The following RNF150 variants were observed in gnomAD, a reference collection of about 807,000 sequenced individuals.
RNF150 encodes the protein ring finger protein 150.
In RNF150, 24 loss-of-function variants were observed where a neutral mutation model predicts 39.3. That is an observed-to-expected ratio of 0.61 (90% confidence interval 0.44 to 0.86). The LOEUF (loss-of-function observed/expected upper bound fraction) is 0.86. Among genes scored for constraint, RNF150 ranks in the 40% least tolerant of loss-of-function variants. RNF150 has a pLI of 0.00. For missense variants in RNF150, 502 were observed against 587.8 expected (o/e 0.85, Z 1.51); for synonymous variants, 255 against 227.3 (o/e 1.12, Z -1.10).
intron 5 of RNF150, among the ~76,000 whole-genome samples, chr4:140,923,585 T>A (rs1322548339): frequency 6.6e-6 from 1 of 152,146 alleles, no homozygotes; most frequent in Non-Finnish European, 1.5e-5. Flanking sequence ...GATCTAGAAC[T>A]AGAAATACCA....
rs1363320675 is a variant in RNF150 at position 140,863,583 on chromosome 4, AAG to A, written c.*4676_*4677del. The A allele has an allele frequency of 6.6e-6, 1 of 152,204 alleles. No individual in the cohort carries two copies. The highest frequency in any genetic ancestry group is 1.9e-4 in the East Asian group (1 of 5,204). 9.4% of individuals were successfully genotyped at this position (152,204 alleles called of 1,614,324 possible). A position where few individuals can be genotyped will look rare whatever the true frequency, so the allele number is the denominator to read the frequency against. ...TGAAGGTTATTTCAGAGTTTCTTGC[AAG>A]AGAGAAAACAAATCAGAAAAAAAGG... On this transcript the variant is annotated 3_prime_UTR_variant, in exon 7 of 7. Transcript: ENST00000515673.
At chr4:141,196,713 A>C (rs150672006) in intron 1 of RNF150, among the ~76,000 whole-genome samples, 35 of 152,316 alleles carry the variant, frequency 2.3e-4, no homozygotes, top group African/African-American at 8.4e-4. Flanking sequence ...GGTGAATTGC[A>C]GTTGTAGTTG....
At chr4:141,053,732 C>T (rs751311245) in intron 1 of RNF150, 131 of 1,371,902 alleles carry the variant, frequency 9.5e-5, no homozygotes, top group Admixed American at 1.3e-4. Flanking sequence ...GACATTAAAC[C>T]TGTGAACAAC....
chr4:141,060,178 C>T (rs1358147587), intron 1 of RNF150, among the ~76,000 whole-genome samples: 3 of 152,188 alleles, frequency 2.0e-5, no homozygotes, highest in East Asian at 1.9e-4. Context: ...CAGTGGCTCA[C>T]GCCTGTAATC....
intron 6 of RNF150, among the ~76,000 whole-genome samples, chr4:140,901,330 C>G (rs1357859330): frequency 6.6e-6 from 1 of 152,134 alleles, no homozygotes; most frequent in African/African-American, 2.4e-5. Context: ...TCCATTTCTA[C>G]AAGGCATTAG....
At chr4:141,092,579 T>C (rs1293138513) in intron 1 of RNF150, among the ~76,000 whole-genome samples, 1 of 152,048 alleles carries the variant, frequency 6.6e-6, no homozygotes, top group Non-Finnish European at 1.5e-5. Flanking sequence ...TTTATTTTTC[T>C]TATAATACAT....
intron 1 of RNF150, among the ~76,000 whole-genome samples, chr4:140,972,483 G>T (rs1313185121): frequency 6.6e-6 from 1 of 152,060 alleles, no homozygotes; most frequent in Admixed American, 6.6e-5. Context: ...AAGGAATAAG[G>T]CATACAATTA....
At chr4:141,189,059 G>A (rs1560773345) in intron 1 of RNF150, among the ~76,000 whole-genome samples, 1 of 152,320 alleles carries the variant, frequency 6.6e-6, no homozygotes, top group Non-Finnish European at 1.5e-5. Context: ...TTTGGATCGG[G>A]TTTTTGCATG....
rs527622814 is a variant in RNF150 at position 140,905,955 on chromosome 4, G to A, written c.1198+5189C>T. ...GAGGAGAAATTAGGAGACAGAGGCT[G>A]AAAATGGACTCCTGGGCACACAGGA... On this transcript the variant is annotated intron_variant, in intron 6 of 6. Coordinates refer to ENST00000515673, the MANE Select transcript of RNF150 (RefSeq NM_020724.2). Among the ~76,000 whole-genome samples, 3 of 152,234 alleles carry A rather than the reference G, an allele frequency of 2.0e-5. No homozygotes were observed. The East Asian group carries it at 5.8e-4, about 29-fold the overall frequency.
chr4:141,100,645 T>C (rs904849419), intron 1 of RNF150, among the ~76,000 whole-genome samples: 23 of 152,184 alleles, frequency 1.5e-4, no homozygotes, highest in African/African-American at 5.5e-4. Flanking sequence ...CAAAGAGGCA[T>C]GCTAGGGAAG....
At chr4:141,117,301 C>T (rs1739581205) in intron 1 of RNF150, among the ~76,000 whole-genome samples, 1 of 152,122 alleles carries the variant, frequency 6.6e-6, no homozygotes, top group Non-Finnish European at 1.5e-5. Context: ...TATCTAATAA[C>T]AATGGCAAAT....
intron 1 of RNF150, among the ~76,000 whole-genome samples, chr4:141,103,089 G>C (rs1739071683): frequency 6.6e-6 from 1 of 152,192 alleles, no homozygotes; most frequent in African/African-American, 2.4e-5. Flanking sequence ...CCCCGTAACT[G>C]TGTAGGCTCC....
chr4:141,084,689 G>C (rs921053358), intron 1 of RNF150, among the ~76,000 whole-genome samples: 3 of 152,192 alleles, frequency 2.0e-5, no homozygotes, highest in African/African-American at 7.2e-5. Flanking sequence ...AATAAGCCTG[G>C]AGAACAAAGA....
At chr4:140,906,452 T>C (rs569702659) in intron 6 of RNF150, among the ~76,000 whole-genome samples, 7 of 152,192 alleles carry the variant, frequency 4.6e-5, no homozygotes, top group Non-Finnish European at 1.5e-5. Context: ...CCATTTTATA[T>C]AAGAAACTTG....
At position 140,972,029 on chromosome 4, in the gene RNF150, C is replaced by CA. The variant is rs35881946; in HGVS notation, c.485-4157dup. 4.3e-3 allele frequency among the ~76,000 whole-genome samples: 630 copies of CA among 145,026 alleles called. 5 individuals are homozygous for CA. The highest frequency in any genetic ancestry group is 0.011 in the African/African-American group (427 of 39,910). ...TGTTGGCCCTCTAGAACTTAGGTGACAAAAAAAAAAATTTATATTGTCCCA... is the reference window on the plus strand; with the variant it reads ...TGTTGGCCCTCTAGAACTTAGGTGACAAAAAAAAAAAATTTATATTGTCCCA... On this transcript the variant is annotated intron_variant, in intron 1 of 6. Transcript: ENST00000515673.
At chr4:140,890,460 T>C (rs1425448) in intron 6 of RNF150, among the ~76,000 whole-genome samples, 9 of 152,078 alleles carry the variant, frequency 5.9e-5, no homozygotes, top group African/African-American at 1.9e-4. Context: ...AATTCATATG[T>C]TGAAAGCTTA....
At chr4:140,906,996 T>G (rs1356725085) in intron 6 of RNF150, among the ~76,000 whole-genome samples, 1 of 152,170 alleles carries the variant, frequency 6.6e-6, no homozygotes, top group Non-Finnish European at 1.5e-5. Flanking sequence ...TGGCACTCAG[T>G]GTTTTTAAGA....
chr4:141,142,907 T>A (rs904915635), intron 1 of RNF150, among the ~76,000 whole-genome samples: 24 of 151,838 alleles, frequency 1.6e-4, no homozygotes, highest in African/African-American at 5.8e-4. Context: ...TCTGTCTCTG[T>A]CACCCAGGCT....
At chr4:141,003,426 T>C (rs1734744675) in intron 1 of RNF150, among the ~76,000 whole-genome samples, 1 of 152,186 alleles carries the variant, frequency 6.6e-6, no homozygotes, top group Non-Finnish European at 1.5e-5. Context: ...AGTGGACTGA[T>C]GGCATCAGGA....
Sources: gnomAD v4.1 joint callset for allele counts (sites outside exome capture counted in the v4.1 genomes callset) on GRCh38, gnomAD v4.1.1 for gene constraint, MANE v1.5 for transcripts, NCBI Gene and HGNC (gene_info 2026-07-23, HGNC 2026-07-21) for gene names.